Variants in INSL6 observed in about 807,000 individuals in gnomAD.
INSL6 encodes the protein insulin like 6.
In INSL6, 16 loss-of-function variants were observed where a neutral mutation model predicts 9.4. That is an observed-to-expected ratio of 1.70 (90% CI 1.15 to 2.59). The LOEUF is 2.59. Among genes scored for constraint, INSL6 ranks in the 30% most tolerant of loss-of-function variants. The probability of loss-of-function intolerance (pLI) is 0.00; values close to 1 mark genes in which losing one functional copy is unlikely to be tolerated. For missense variants in INSL6, 391 were observed against 257.3 expected, an observed-to-expected ratio of 1.52 and a Z score of -3.56; for synonymous variants, 154 against 96.9, an observed-to-expected ratio of 1.59 and a Z score of -3.46.
chr9:5,014,280 A>G, the INSL6 span, among the ~76,000 whole-genome samples: 60 of 151,402 alleles, frequency 4.0e-4, no homozygotes, highest in African/African-American at 1.4e-3. Flanking sequence ...CAGGGATTAC[A>G]GGTGTGAGCC....
chr9:5,011,834 G>T, the INSL6 span, among the ~76,000 whole-genome samples: 1 of 152,276 alleles, frequency 6.6e-6, no homozygotes, highest in East Asian at 1.9e-4. Flanking sequence ...AGGCTTTGTT[G>T]GGACAGGTCT....
the INSL6 span, among the ~76,000 whole-genome samples, chr9:5,048,210 C>T: frequency 2.0e-5 from 3 of 151,858 alleles, no homozygotes; most frequent in African/African-American, 4.8e-5. Flanking sequence ...GGCGTGATCT[C>T]GGCTCACTGC....
chr9:5,073,807 C>A, the INSL6 span: 3 of 1,423,248 alleles, frequency 2.1e-6, no homozygotes, highest in Non-Finnish European at 3.0e-6. Flanking sequence ...TACAGGCTTT[C>A]TAATGCCTTT....
At chr9:5,138,903 C>T (rs970668811) in intron 2 of INSL6, among the ~76,000 whole-genome samples, 1 of 132,988 alleles carries the variant, frequency 7.5e-6, no homozygotes, top group Admixed American at 7.5e-5. Context: ...TATATAGTCA[C>T]AAAAAAAATA....
chr9:5,090,747 G>A, the INSL6 span: 15 of 1,602,550 alleles, frequency 9.4e-6, no homozygotes, highest in Non-Finnish European at 1.3e-5. Flanking sequence ...AGGGTATGGA[G>A]TATCTTGGTA....
chr9:5,064,691 T>C, the INSL6 span, among the ~76,000 whole-genome samples: 1 of 152,128 alleles, frequency 6.6e-6, no homozygotes, highest in East Asian at 1.9e-4. Flanking sequence ...TGGGAAGGTA[T>C]GATAATCTGT....
the INSL6 span, chr9:5,096,574 A>G: frequency 6.6e-6 from 1 of 152,200 alleles, no homozygotes; most frequent in Non-Finnish European, 1.5e-5. Context: ...AACATAAAAA[A>G]TTACCTCAGG....
chr9:5,136,366 C>G (rs1370327666), intron 2 of INSL6, among the ~76,000 whole-genome samples: 2 of 152,202 alleles, frequency 1.3e-5, no homozygotes, highest in Admixed American at 1.3e-4. Flanking sequence ...ATGCGAAAAT[C>G]CTCAATAAAA....
At chr9:5,178,293 A>T (rs1825362944) in intron 1 of INSL6, among the ~76,000 whole-genome samples, 1 of 151,846 alleles carries the variant, frequency 6.6e-6, no homozygotes, top group South Asian at 2.1e-4. Context: ...CCTAGGACTG[A>T]GCTCCTAGGG....
chr9:5,113,870 T>A, the INSL6 span: 2 of 210,920 alleles, frequency 9.5e-6, no homozygotes, highest in African/African-American at 4.7e-5. Context: ...GACTTCACCC[T>A]CCCCACCGTG....
intron 2 of INSL6, among the ~76,000 whole-genome samples, chr9:5,148,970 C>A (rs1564041534): frequency 6.6e-6 from 1 of 152,204 alleles, no homozygotes; most frequent in Non-Finnish European, 1.5e-5. Flanking sequence ...CCTGTTCTCT[C>A]CCCAGCAGTT....
At chr9:5,150,725 C>T (rs1824693855) in intron 2 of INSL6, among the ~76,000 whole-genome samples, 1 of 151,838 alleles carries the variant, frequency 6.6e-6, no homozygotes, top group Admixed American at 6.6e-5. Context: ...TGCATGTCTA[C>T]CTAAAGGAAA....
At chr9:5,090,970 T>C in the INSL6 span, 1 of 1,129,762 alleles carries the variant, frequency 8.9e-7, no homozygotes, top group Middle Eastern at 2.8e-4. Flanking sequence ...AACTTTATTG[T>C]TGTTATTTAA....
chr9:5,133,047 TG>T, intron 3 of INSL6, among the ~76,000 whole-genome samples: 1 of 152,218 alleles, frequency 6.6e-6, no homozygotes, highest in Admixed American at 6.5e-5. Context: ...TTCTAGGGCA[TG>T]ATTTTTTCAG....
the INSL6 span, chr9:5,089,677 A>G: frequency 2.2e-6 from 3 of 1,360,544 alleles, no homozygotes; most frequent in South Asian, 4.7e-5. Flanking sequence ...CATTTAGGGT[A>G]ATTTTGGGAG....
At chr9:5,070,074 ACTGT>A in the INSL6 span, 2 of 1,562,724 alleles carry the variant, frequency 1.3e-6, no homozygotes, top group South Asian at 1.2e-5. Flanking sequence ...GATACTCATT[ACTGT>A]CTTTTTTGTC....
chr9:5,063,658 T>A, the INSL6 span, among the ~76,000 whole-genome samples: 2 of 152,218 alleles, frequency 1.3e-5, no homozygotes, highest in East Asian at 3.8e-4. Context: ...CTACCATGGT[T>A]AATCTTCTAT....
downstream of INSL6, among the ~76,000 whole-genome samples, chr9:5,121,692 A>G (rs1444441413): frequency 6.6e-6 from 1 of 152,222 alleles, no homozygotes; most frequent in Non-Finnish European, 1.5e-5. Context: ...AAGACAAAGA[A>G]TTTACAAGTT....
At chr9:5,018,558 T>G in the INSL6 span, among the ~76,000 whole-genome samples, 1 of 152,086 alleles carries the variant, frequency 6.6e-6, no homozygotes. Flanking sequence ...AGGCTGCTCT[T>G]GAACTCCTGG....
Sources: gnomAD v4.1 joint callset for allele counts (sites outside exome capture counted in the v4.1 genomes callset) on GRCh38, gnomAD v4.1.1 for gene constraint, MANE v1.5 for transcripts, NCBI Gene and HGNC (gene_info 2026-07-23, HGNC 2026-07-21) for gene names.